Variants in SPHKAP observed in about 807,000 individuals in gnomAD.
SPHKAP encodes SPHK1 interactor, AKAP domain containing, also known as A-kinase anchor protein SPHKAP.
A neutral mutation model predicts 137.5 loss-of-function variants in SPHKAP; 67 were observed. That is an observed-to-expected ratio of 0.49 (90% CI 0.40 to 0.60). The LOEUF is 0.60. Among genes scored for constraint, SPHKAP ranks in the 20% least tolerant of loss-of-function variants. The pLI is 0.00. For synonymous variants in SPHKAP, 813 were observed against 785.3 expected, an observed-to-expected ratio of 1.04 and a Z score of -0.59; for missense variants, 2,097 against 2,069.3, an observed-to-expected ratio of 1.01 and a Z score of -0.26.
intron 1 of SPHKAP, among the ~76,000 whole-genome samples, chr2:228,139,745 C>T (rs1030241069): frequency 1.3e-5 from 2 of 151,808 alleles, no homozygotes; most frequent in Non-Finnish European, 2.9e-5. Flanking sequence ...AAAATGTGTG[C>T]CCTACAAATA....
At chr2:228,041,646 C>CAAAAAAAAAAAAAA in intron 3 of SPHKAP, among the ~76,000 whole-genome samples, 1 of 95,942 alleles carries the variant, frequency 1.0e-5, no homozygotes, top group African/African-American at 4.0e-5. Context: ...GACTCTGTCT[C>CAAAAAAAAAAAAAA]AAAAAAAAAA....
chr2:228,030,054 A>T (rs1695221098), intron 3 of SPHKAP, among the ~76,000 whole-genome samples: 1 of 152,178 alleles, frequency 6.6e-6, no homozygotes, highest in African/African-American at 2.4e-5. Flanking sequence ...CTACACCTGG[A>T]GGACACTCTC....
intron 3 of SPHKAP, among the ~76,000 whole-genome samples, chr2:228,047,074 T>C (rs1323747006): frequency 6.6e-6 from 1 of 152,236 alleles, no homozygotes; most frequent in African/African-American, 2.4e-5. Context: ...GGAATAACTC[T>C]CCAAAATATA....
At chr2:228,109,244 G>A (rs538634505) in intron 2 of SPHKAP, 2 of 388,998 alleles carry the variant, frequency 5.1e-6, no homozygotes, top group African/African-American at 4.4e-5. Flanking sequence ...TTGTTTTGGG[G>A]GTATGGCTAT....
intron 7 of SPHKAP, among the ~76,000 whole-genome samples, chr2:228,014,476 T>C (rs898838889): frequency 3.3e-5 from 5 of 152,248 alleles, no homozygotes; most frequent in Non-Finnish European, 5.9e-5. Flanking sequence ...GTCTTTTTGG[T>C]TAGCTCTGCC....
At chr2:228,133,114 C>T (rs1397471026) in intron 1 of SPHKAP, among the ~76,000 whole-genome samples, 1 of 151,880 alleles carries the variant, frequency 6.6e-6, no homozygotes, top group Non-Finnish European at 1.5e-5. Flanking sequence ...TGAGATCAGC[C>T]TGGGCAACAC....
chr2:228,133,488 T>C (rs957164216), intron 1 of SPHKAP, among the ~76,000 whole-genome samples: 2 of 152,170 alleles, frequency 1.3e-5, no homozygotes, highest in South Asian at 4.1e-4. Flanking sequence ...TAAATATTCT[T>C]CTTCTGAAAA....
At chr2:228,094,287 T>A (rs904667598) in intron 3 of SPHKAP, among the ~76,000 whole-genome samples, 1 of 152,236 alleles carries the variant, frequency 6.6e-6, no homozygotes, top group African/African-American at 2.4e-5. Flanking sequence ...CTGGCTTTAC[T>A]ACTAATTTAC....
intron 3 of SPHKAP, among the ~76,000 whole-genome samples, chr2:228,080,809 C>T (rs1697343365): frequency 6.6e-6 from 1 of 151,584 alleles, no homozygotes. Context: ...GATGTATCAT[C>T]TCACACCTGT....
At chr2:228,092,430 TG>T (rs1697810766) in intron 3 of SPHKAP, among the ~76,000 whole-genome samples, 4 of 119,508 alleles carry the variant, frequency 3.3e-5, no homozygotes, top group African/African-American at 1.3e-4. Flanking sequence ...TATACATATA[TG>T]TATATATGTG....
intron 1 of SPHKAP, among the ~76,000 whole-genome samples, chr2:228,175,142 A>C (rs1700701680): frequency 6.6e-6 from 1 of 152,068 alleles, no homozygotes; most frequent in Non-Finnish European, 1.5e-5. Flanking sequence ...AGGATAGGAA[A>C]ACTATTTTAA....
At chr2:228,074,384 C>A (rs753530476) in intron 3 of SPHKAP, among the ~76,000 whole-genome samples, 6 of 152,116 alleles carry the variant, frequency 3.9e-5, no homozygotes, top group Non-Finnish European at 7.4e-5. Flanking sequence ...ACTCACAGTT[C>A]CACATGACTG....
chr2:228,008,274 T>C (rs1217294632), intron 7 of SPHKAP, among the ~76,000 whole-genome samples: 4 of 151,532 alleles, frequency 2.6e-5, no homozygotes, highest in African/African-American at 9.7e-5. Context: ...TAGATTTTTC[T>C]CCTACATTAT....
intron 5 of SPHKAP, among the ~76,000 whole-genome samples, chr2:228,023,556 C>G (rs1051559620): frequency 6.6e-6 from 1 of 152,186 alleles, no homozygotes; most frequent in Non-Finnish European, 1.5e-5. Context: ...CAGAAGTTGG[C>G]TTAATTTTCT....
At position 228,019,020 on chromosome 2, in the gene SPHKAP, T is replaced by C; in HGVS notation, c.1834A>G (p.Lys612Glu). The change falls in exon 7 of 12, where the codon AAG (lysine) becomes GAG (glutamate). Residue 612 changes from lysine (K) to glutamate (E), a missense_variant. By Grantham distance (56) the Lys-to-Glu change is moderately conservative (BLOSUM62 1). Coordinates refer to ENST00000392056, the MANE Select transcript of SPHKAP (RefSeq NM_001142644.2). ...AGCAATCCCTTGGCAATGGCTTCCT[T>C]GCCAAGCTCCATGCTTGCTAAACCA... ...LCGLASMELGKEAIAKGLLKE... is the reference protein window; with the variant it reads ...LCGLASMELGEEAIAKGLLKE... The C allele has an allele frequency of 6.2e-7, 1 of 1,614,008 alleles. No individual in the cohort carries two copies. The highest frequency in any genetic ancestry group is 8.5e-7 in the Non-Finnish European group (1 of 1,179,936).
chr2:228,118,249 T>A (rs1698784347), intron 2 of SPHKAP, among the ~76,000 whole-genome samples: 1 of 66,178 alleles, frequency 1.5e-5, no homozygotes, highest in African/African-American at 4.7e-5. Flanking sequence ...AGTTTTTTTT[T>A]TTTTTTTTTT....
intron 1 of SPHKAP, among the ~76,000 whole-genome samples, chr2:228,178,509 A>G (rs903228351): frequency 6.6e-6 from 1 of 152,182 alleles, no homozygotes; most frequent in Admixed American, 6.5e-5. Flanking sequence ...ACAGTGTACT[A>G]TAGAACACAC....
At chr2:228,167,475 T>C (rs574697980) in intron 1 of SPHKAP, among the ~76,000 whole-genome samples, 1 of 152,310 alleles carries the variant, frequency 6.6e-6, no homozygotes, top group Non-Finnish European at 1.5e-5. Flanking sequence ...ATATTCAGGA[T>C]ATATTAAATC....
chr2:228,156,514 TA>T (rs1428787243), intron 1 of SPHKAP, among the ~76,000 whole-genome samples: 1 of 152,218 alleles, frequency 6.6e-6, no homozygotes, highest in African/African-American at 2.4e-5. Context: ...ATAAACAACT[TA>T]AAAGTACAAC....
Sources: allele counts gnomAD v4.1 joint callset (sites outside exome capture counted in the v4.1 genomes callset), GRCh38; gene constraint gnomAD v4.1.1; transcripts MANE v1.5; gene names NCBI Gene and HGNC (gene_info 2026-07-23, HGNC 2026-07-21).